The following GUCY1A2 variants were observed in gnomAD, a reference collection of about 807,000 sequenced individuals.
GUCY1A2 encodes guanylate cyclase soluble subunit alpha-2.
Under a neutral mutation model 63.5 loss-of-function variants are expected in GUCY1A2, and 27 were observed. That is an observed-to-expected ratio of 0.43 (90% confidence interval 0.31 to 0.59). The LOEUF (loss-of-function observed/expected upper bound fraction) is 0.59, where lower values mean the gene tolerates loss of function less well. Ranked by LOEUF, GUCY1A2 falls within the 20% of genes least tolerant of loss-of-function variation. The pLI, the probability that GUCY1A2 is intolerant of heterozygous loss-of-function variation, is 0.11. For missense variants in GUCY1A2, 768 were observed against 913.3 expected, an observed-to-expected ratio of 0.84 and a Z score of 2.05; for synonymous variants, 364 against 343.5, an observed-to-expected ratio of 1.06 and a Z score of -0.66.
intron 4 of GUCY1A2, among the ~76,000 whole-genome samples, chr11:106,931,743 T>A (rs1435274465): frequency 6.6e-6 from 1 of 152,104 alleles, no homozygotes; most frequent in Non-Finnish European, 1.5e-5. Context: ...AGATAACTAA[T>A]TGTATGATGA....
chr11:106,871,683 A>C (rs1026425712), intron 4 of GUCY1A2, among the ~76,000 whole-genome samples: 3 of 152,204 alleles, frequency 2.0e-5, no homozygotes, highest in African/African-American at 7.2e-5. Flanking sequence ...ATTCACATGG[A>C]AAATGAAATG....
At chr11:106,781,099 G>A (rs1212514777) in intron 5 of GUCY1A2, among the ~76,000 whole-genome samples, 1 of 113,786 alleles carries the variant, frequency 8.8e-6, no homozygotes, top group Admixed American at 8.8e-5. Flanking sequence ...AAGTGGACAT[G>A]GTAAACAGAC....
intron 4 of GUCY1A2, among the ~76,000 whole-genome samples, chr11:106,902,258 A>T (rs931604233): frequency 3.3e-5 from 5 of 152,306 alleles, no homozygotes; most frequent in Middle Eastern, 3.4e-3. Context: ...GGCTTAAAAT[A>T]TTCAGTAAAC....
Position 106,684,480 on chromosome 11 carries a change from A to G in GUCY1A2, c.*3069T>C, listed in dbSNP as rs1393340082. The G allele has an allele frequency of 2.1e-5, 4 of 191,088 alleles. No homozygotes were observed. The highest frequency in any genetic ancestry group is 9.3e-5 in the African/African-American group (4 of 42,968). 11.8% of individuals were successfully genotyped at this position (191,088 alleles called of 1,614,324 possible). ...CAATGTTACCTAATGATTAAGGTCC[A>G]CAAAGAAGATACAGGGTAGTACATT... On this transcript the variant is annotated 3_prime_UTR_variant, in exon 8 of 8. Coordinates refer to ENST00000526355, the MANE Select transcript of GUCY1A2 (RefSeq NM_000855.3).
At chr11:106,744,356 C>T (rs1863750557) in intron 6 of GUCY1A2, among the ~76,000 whole-genome samples, 1 of 151,060 alleles carries the variant, frequency 6.6e-6, no homozygotes, top group Non-Finnish European at 1.5e-5. Context: ...ATGCCATTCT[C>T]CTGCCTCAGC....
At chr11:106,697,322 A>T (rs1862737120) in intron 7 of GUCY1A2, among the ~76,000 whole-genome samples, 1 of 152,240 alleles carries the variant, frequency 6.6e-6, no homozygotes, top group South Asian at 2.1e-4. Context: ...TTCCTGATGC[A>T]CAGTGTTTCA....
In GUCY1A2 at chr11:106,679,466, C is replaced by T. The variant is rs765530780; in HGVS notation, c.*8083G>A. On this transcript the variant is annotated 3_prime_UTR_variant, in exon 8 of 8. Coordinates refer to ENST00000526355, the MANE Select transcript of GUCY1A2 (RefSeq NM_000855.3). The stretch of plus-strand genomic sequence containing the variant: ...AGAAGAATATGGCGTAGAGTACAGC[C>T]GCCAAAAGTTTAAAAATTTCAGGAC... 6 of 195,808 alleles carry T rather than the reference C, an allele frequency of 3.1e-5. No homozygotes were observed. The highest frequency in any genetic ancestry group is 1.9e-4 in the South Asian group (1 of 5,224). The allele number at this position is 195,808 out of a possible 1,614,324, so 12.1% of individuals were successfully genotyped here. A position where few individuals can be genotyped will look rare whatever the true frequency, so the allele number is the denominator to read the frequency against.
intron 1 of GUCY1A2, among the ~76,000 whole-genome samples, chr11:107,012,409 C>G (rs1861760094): frequency 6.6e-6 from 1 of 152,078 alleles, no homozygotes; most frequent in African/African-American, 2.4e-5. Flanking sequence ...ATTAATAGAT[C>G]TCACCCTGAA....
At chr11:106,708,436 C>T in intron 7 of GUCY1A2, 76 bp downstream of exon 7, 2 of 1,149,628 alleles carry the variant, frequency 1.7e-6, no homozygotes, top group Non-Finnish European at 2.5e-6. Context: ...AGAAAAAGAA[C>T]AGGGACTCAC....
intron 6 of GUCY1A2, among the ~76,000 whole-genome samples, chr11:106,716,726 G>A (rs912228474): frequency 1.0e-4 from 13 of 127,954 alleles, no homozygotes; most frequent in African/African-American, 3.4e-4. Flanking sequence ...CCGAGATCAC[G>A]CTACTGCACT....
At chr11:106,949,133 C>G (rs1407361212) in intron 3 of GUCY1A2, among the ~76,000 whole-genome samples, 5 of 152,100 alleles carry the variant, frequency 3.3e-5, no homozygotes, top group Non-Finnish European at 5.9e-5. Context: ...TCTCCCCTGA[C>G]ATTCTGCTAG....
chr11:106,699,583 G>A (rs1862781379), intron 7 of GUCY1A2, among the ~76,000 whole-genome samples: 1 of 151,952 alleles, frequency 6.6e-6, no homozygotes, highest in African/African-American at 2.4e-5. Flanking sequence ...TCTGAATCCT[G>A]GAACTAGGTA....
chr11:106,970,611 AG>A (rs566130885), intron 3 of GUCY1A2, among the ~76,000 whole-genome samples: 38 of 152,310 alleles, frequency 2.5e-4, no homozygotes, highest in South Asian at 8.3e-4. Flanking sequence ...GAAGAGCAAT[AG>A]GAAGTCTCAT....
At chr11:106,737,390 C>A (rs1863609435) in intron 6 of GUCY1A2, among the ~76,000 whole-genome samples, 1 of 151,928 alleles carries the variant, frequency 6.6e-6, no homozygotes, top group African/African-American at 2.4e-5. Flanking sequence ...TTAGAGTGGA[C>A]CATCTCTTTT....
chr11:106,964,424 G>GT (rs1861100560), intron 3 of GUCY1A2, among the ~76,000 whole-genome samples: 2 of 152,160 alleles, frequency 1.3e-5, no homozygotes, highest in African/African-American at 4.8e-5. Flanking sequence ...AGAGTTAAAT[G>GT]TAGGTACCTG....
At chr11:106,852,750 T>C (rs1311697253) in intron 4 of GUCY1A2, among the ~76,000 whole-genome samples, 1 of 152,138 alleles carries the variant, frequency 6.6e-6, no homozygotes. Flanking sequence ...CCATCAGGAA[T>C]ATTGGCCTGT....
intron 3 of GUCY1A2, among the ~76,000 whole-genome samples, chr11:106,972,367 T>A (rs1861206789): frequency 6.6e-6 from 1 of 151,744 alleles, no homozygotes; most frequent in Non-Finnish European, 1.5e-5. Context: ...AAACTTCATT[T>A]AAAAAAAACT....
intron 3 of GUCY1A2, among the ~76,000 whole-genome samples, chr11:106,946,897 T>C (rs1327901133): frequency 6.6e-6 from 1 of 152,080 alleles, no homozygotes; most frequent in African/African-American, 2.4e-5. Flanking sequence ...ATTATATAGT[T>C]TCAAAATTAT....
chr11:106,804,483 C>G (rs557181098), intron 5 of GUCY1A2, among the ~76,000 whole-genome samples: 43 of 152,278 alleles, frequency 2.8e-4, no homozygotes, highest in African/African-American at 9.1e-4. Context: ...TACCTAAGTA[C>G]TTTGAAAGGC....
Sources: allele counts gnomAD v4.1 joint callset (sites outside exome capture counted in the v4.1 genomes callset), GRCh38; gene constraint gnomAD v4.1.1; transcripts MANE v1.5; gene names NCBI Gene and HGNC (gene_info 2026-07-23, HGNC 2026-07-21).